The following TMEM178B variants were observed in gnomAD, a reference collection of about 807,000 sequenced individuals.
TMEM178B encodes transmembrane protein 178B.
A neutral mutation model predicts 31.0 loss-of-function variants in TMEM178B; 5 were observed. The observed-to-expected ratio is 0.16, with a 90% CI of 0.08 to 0.34. The LOEUF is 0.34. Ranked by LOEUF, TMEM178B falls within the 10% of genes least tolerant of loss-of-function variation. TMEM178B has a pLI of 1.00. For synonymous variants in TMEM178B, 164 were observed against 164.0 expected, an observed-to-expected ratio of 1.00 and a Z score of 0.00; for missense variants, 275 against 400.3, an observed-to-expected ratio of 0.69 and a Z score of 2.67.
chr7:141,445,303 G>A (rs1358232023), intron 3 of TMEM178B, among the ~76,000 whole-genome samples: 2 of 152,152 alleles, frequency 1.3e-5, no homozygotes, highest in African/African-American at 2.4e-5. Flanking sequence ...GGAGGCCTGG[G>A]CATTCTGAAA....
intron 2 of TMEM178B, among the ~76,000 whole-genome samples, chr7:141,400,169 G>A (rs1306686674): frequency 1.3e-5 from 2 of 152,140 alleles, no homozygotes; most frequent in African/African-American, 2.4e-5. Flanking sequence ...TCTATACTGG[G>A]AGTTCTAAAG....
intron 2 of TMEM178B, among the ~76,000 whole-genome samples, chr7:141,268,055 A>G (rs1798122264): frequency 6.6e-6 from 1 of 152,240 alleles, no homozygotes; most frequent in Non-Finnish European, 1.5e-5. Context: ...CCATGCAAGC[A>G]TTCTACAAAA....
intron 2 of TMEM178B, among the ~76,000 whole-genome samples, chr7:141,363,521 TG>T (rs1390605464): frequency 6.6e-6 from 1 of 152,172 alleles, no homozygotes; most frequent in Admixed American, 6.5e-5. Context: ...GGCTCATGGG[TG>T]GGAGACCAGG....
rs572847441 is a variant in TMEM178B, at chr7:141,079,121, T to C, written c.382+4429T>C. The stretch of plus-strand genomic sequence containing the variant: ...CGCCAACATGGTGAAAACCCATCTC[T>C]AGTAAAAATACAAAAATTAGCTGGG... On this transcript the variant is annotated intron_variant, in intron 1 of 3. Transcript: ENST00000565468. Among the ~76,000 whole-genome samples, 330 of 152,300 alleles carry C rather than the reference T, an allele frequency of 2.2e-3. 1 individual carries two copies. Among genetic ancestry groups the C allele is most frequent in the African/African-American group, 7.7e-3 (321 of 41,572 alleles).
intron 2 of TMEM178B, among the ~76,000 whole-genome samples, chr7:141,236,024 C>T (rs1169740402): frequency 6.6e-6 from 1 of 152,182 alleles, no homozygotes; most frequent in African/African-American, 2.4e-5. Context: ...ATTTTCTTCT[C>T]TCTGCTGGAT....
At chr7:141,115,334 C>A (rs1278881426) in intron 1 of TMEM178B, among the ~76,000 whole-genome samples, 1 of 152,068 alleles carries the variant, frequency 6.6e-6, no homozygotes, top group Non-Finnish European at 1.5e-5. Flanking sequence ...AGCCACCATG[C>A]CTGGCTGGAT....
chr7:141,249,628 A>G (rs1007327412), intron 2 of TMEM178B, among the ~76,000 whole-genome samples: 1 of 147,008 alleles, frequency 6.8e-6, no homozygotes, highest in African/African-American at 2.5e-5. Flanking sequence ...CCCTGTTGGT[A>G]ATTACATGGG....
At chr7:141,303,428 A>G (rs2116445094) in intron 2 of TMEM178B, among the ~76,000 whole-genome samples, 1 of 152,228 alleles carries the variant, frequency 6.6e-6, no homozygotes. Flanking sequence ...TCCTTGAGAA[A>G]TGCCTGCTGC....
intron 2 of TMEM178B, among the ~76,000 whole-genome samples, chr7:141,432,508 A>T (rs1210985529): frequency 6.6e-6 from 1 of 152,192 alleles, no homozygotes; most frequent in East Asian, 1.9e-4. Context: ...AAGCCTGCTT[A>T]AGTCTTTTTT....
At chr7:141,509,225 C>G in the TMEM178B span, among the ~76,000 whole-genome samples, 1 of 151,958 alleles carries the variant, frequency 6.6e-6, no homozygotes, top group Non-Finnish European at 1.5e-5. Flanking sequence ...TATGAAGATA[C>G]ATGGTAAATA....
chr7:141,339,420 G>A (rs1192597668), intron 2 of TMEM178B, among the ~76,000 whole-genome samples: 1 of 152,164 alleles, frequency 6.6e-6, no homozygotes, highest in African/African-American at 2.4e-5. Flanking sequence ...CAATGGTTCA[G>A]GAAACCAACT....
chr7:141,340,827 C>T (rs1799504462), intron 2 of TMEM178B, among the ~76,000 whole-genome samples: 1 of 152,086 alleles, frequency 6.6e-6, no homozygotes, highest in Non-Finnish European at 1.5e-5. Flanking sequence ...AGCTTCTCTC[C>T]CTCTCGGGTG....
At chr7:141,323,527 ATTATC>A (rs1212842976) in intron 2 of TMEM178B, among the ~76,000 whole-genome samples, 1 of 152,182 alleles carries the variant, frequency 6.6e-6, no homozygotes. Context: ...TGGCTGTATT[ATTATC>A]TAACCATTTT....
In TMEM178B at chr7:141,354,484, C is replaced by G. The variant is rs535870929; in HGVS notation, c.497-83124C>G. Reference sequence around the variant, plus strand: ...AAAATAATGAAGCAGCTTACTCACTCCAGTATGGACCAGGAAAATGAGATG... The same window carrying G: ...AAAATAATGAAGCAGCTTACTCACTGCAGTATGGACCAGGAAAATGAGATG... On this transcript the variant is annotated intron_variant, in intron 2 of 3. Transcript: ENST00000565468. Among the ~76,000 whole-genome samples, 261 of 152,304 alleles carry G rather than the reference C, an allele frequency of 1.7e-3. 2 individuals carry two copies. Among genetic ancestry groups the G allele is most frequent in the African/African-American group, 5.9e-3 (245 of 41,576 alleles).
At position 141,311,085 on chromosome 7, in the gene TMEM178B, G is replaced by A. The variant is rs143358486; in HGVS notation, c.496+98381G>A. ...ACACTGCATGTTCTCACTTATGAGCGGGAGCTGAACAATGAGAACACATGG... is the reference window on the plus strand; with the variant it reads ...ACACTGCATGTTCTCACTTATGAGCAGGAGCTGAACAATGAGAACACATGG... On this transcript the variant is annotated intron_variant, in intron 2 of 3. Coordinates refer to ENST00000565468, the MANE Select transcript of TMEM178B (RefSeq NM_001195278.2). Among the ~76,000 whole-genome samples the A allele has an allele frequency of 1.7e-3, 259 of 152,270 alleles. 1 individual carries two copies. Among genetic ancestry groups the A allele is most frequent in the African/African-American group, 5.7e-3 (238 of 41,572 alleles).
At chr7:141,085,073 G>A (rs1794756561) in intron 1 of TMEM178B, among the ~76,000 whole-genome samples, 1 of 151,368 alleles carries the variant, frequency 6.6e-6, no homozygotes, top group Non-Finnish European at 1.5e-5. Flanking sequence ...TGCCTCCCAG[G>A]TTCAAGTGAT....
downstream of TMEM178B, among the ~76,000 whole-genome samples, chr7:141,482,712 G>C (rs1261472034): frequency 2.0e-5 from 3 of 152,178 alleles, no homozygotes; most frequent in Non-Finnish European, 4.4e-5. Context: ...GAAAGATACA[G>C]ATTACAATCA....
At chr7:141,089,874 G>T (rs545678698) in intron 1 of TMEM178B, among the ~76,000 whole-genome samples, 1 of 152,186 alleles carries the variant, frequency 6.6e-6, no homozygotes, top group South Asian at 2.1e-4. Flanking sequence ...GTTGGGGGAG[G>T]GGGAGGGATA....
chr7:141,495,796 A>G, the TMEM178B span, among the ~76,000 whole-genome samples: 7 of 152,222 alleles, frequency 4.6e-5, no homozygotes, highest in Non-Finnish European at 1.0e-4. Flanking sequence ...GATAACCATT[A>G]AGCAAAAAAC....
Sources: gnomAD v4.1 joint callset for allele counts (sites outside exome capture counted in the v4.1 genomes callset) on GRCh38, gnomAD v4.1.1 for gene constraint, MANE v1.5 for transcripts, NCBI Gene and HGNC (gene_info 2026-07-23, HGNC 2026-07-21) for gene names.